GTF2IRD2: variants seen among roughly 807,000 people sequenced by gnomAD.
The protein encoded by GTF2IRD2 is general transcription factor II-I repeat domain-containing protein 2A.
A neutral mutation model predicts 49.2 loss-of-function variants in GTF2IRD2; 8 were observed. That is an observed-to-expected ratio of 0.16 (90% CI 0.10 to 0.29). GTF2IRD2 has a LOEUF of 0.29. GTF2IRD2 is among the 10% of genes least tolerant of loss of function. The pLI is 1.00. For synonymous variants in GTF2IRD2, 47 were observed against 289.7 expected (o/e 0.16, Z 8.51); for missense variants, 130 against 725.7 (o/e 0.18, Z 9.43).
chr7:74,844,854 A>T (rs1349268829), intron 1 of GTF2IRD2, among the ~76,000 whole-genome samples: 1 of 80,300 alleles, frequency 1.2e-5, no homozygotes, highest in African/African-American at 3.5e-5. Flanking sequence ...TGCCCAGCTC[A>T]TTTTCTGCAT....
chr7:74,836,136 A>G, intron 2 of GTF2IRD2, 144 bp downstream of exon 2: 1 of 842,074 alleles, frequency 1.2e-6, no homozygotes. Context: ...GTGCCACTGC[A>G]CTCCAGCCTG....
At chr7:74,826,314 C>T (rs1185479946) in intron 3 of GTF2IRD2, among the ~76,000 whole-genome samples, 1 of 151,342 alleles carries the variant, frequency 6.6e-6, no homozygotes, top group Non-Finnish European at 1.5e-5. Context: ...GGCTGGAGTG[C>T]AGTGGCGCAA....
rs1194941580 is a variant in GTF2IRD2 at position 74,844,360 on chromosome 7, TTTTATTTA to T, written c.-6+6999_-6+7006del. On this transcript the variant is annotated intron_variant, in intron 1 of 15. Coordinates refer to ENST00000451013, the MANE Select transcript of GTF2IRD2 (RefSeq NM_173537.5). ...CTAGACTAGATGAGGATTATGTTTT[TTTTATTTA>T]TTTATTTATTTATTTATTTATTTAT... Among the ~76,000 whole-genome samples the T allele has an allele frequency of 6.6e-3, 87 of 13,216 alleles. 3 individuals carry two copies. Among genetic ancestry groups the T allele is most frequent in the South Asian group, 0.016 (7 of 440 alleles). 8.7% of individuals were successfully genotyped at this position (13,216 alleles called of 152,430 possible).
At chr7:74,845,827 C>G (rs1394182898) in intron 1 of GTF2IRD2, among the ~76,000 whole-genome samples, 1 of 149,744 alleles carries the variant, frequency 6.7e-6, no homozygotes, top group African/African-American at 2.4e-5. Flanking sequence ...GAACTTGTAC[C>G]ACAGAATAAA....
rs1435299909 is a variant in GTF2IRD2, at chr7:74,840,744, C to G, written c.-5-4361G>C. Among the ~76,000 whole-genome samples, 3 of 137,610 alleles carry G rather than the reference C, an allele frequency of 2.2e-5. No individual in the cohort carries two copies. The East Asian group carries it at 6.2e-4, about 29-fold the overall frequency. 90.3% of individuals were successfully genotyped at this position (137,610 alleles called of 152,430 possible). A position where few individuals can be genotyped will look rare whatever the true frequency, so the allele number is the denominator to read the frequency against. On this transcript the variant is annotated intron_variant, in intron 1 of 15. Coordinates refer to ENST00000451013, the MANE Select transcript of GTF2IRD2 (RefSeq NM_173537.5). ...CAGGTGACGCCAGCTTAGGAAGCAC[C>G]TGATGCACTGGTCCCCACGGGACCA...
intron 1 of GTF2IRD2, among the ~76,000 whole-genome samples, chr7:74,839,973 TG>T (rs1800653433): frequency 6.9e-6 from 1 of 145,166 alleles, no homozygotes; most frequent in Non-Finnish European, 1.5e-5. Context: ...GCCCTCCAGG[TG>T]GGGCAACAGA....
At chr7:74,809,705 T>C (rs1222124603) in intron 10 of GTF2IRD2, among the ~76,000 whole-genome samples, 2 of 98,332 alleles carry the variant, frequency 2.0e-5, no homozygotes, top group African/African-American at 6.5e-5. Flanking sequence ...AAGGCAGATA[T>C]ATACAACTAA....
At position 74,851,305 on chromosome 7, in the gene GTF2IRD2, G is replaced by C. The variant is rs1206616006; in HGVS notation, c.-6+62C>G. 23 of 46,156 alleles carry C rather than the reference G, an allele frequency of 5.0e-4. 10 individuals carry two copies. The highest frequency in any genetic ancestry group is 2.6e-3 in the African/African-American group (19 of 7,348). 2.9% of individuals were successfully genotyped at this position (46,156 alleles called of 1,614,324 possible). On this transcript the variant is annotated intron_variant, in intron 1 of 15. Transcript: ENST00000451013. ...TCCCTTCCCCAGGCCCTCAGGAGGA[G>C]GACGTTCCGAAAGGCAACCCGCCCT... is the stretch of plus-strand genomic sequence containing the variant.
At chr7:74,815,864 A>G (rs1230394282) in intron 8 of GTF2IRD2, among the ~76,000 whole-genome samples, 1 of 89,396 alleles carries the variant, frequency 1.1e-5, no homozygotes, top group Non-Finnish European at 2.3e-5. Context: ...GAAAGAAAGA[A>G]AGAGAAAATA....
At chr7:74,811,119 A>G (rs1241116014) in intron 9 of GTF2IRD2, among the ~76,000 whole-genome samples, 167 bp from the exon 10 acceptor site, 5 of 96,766 alleles carry the variant, frequency 5.2e-5, no homozygotes, top group Non-Finnish European at 7.7e-5. Context: ...CTGTAATCTC[A>G]GCACTCTGGG....
intron 3 of GTF2IRD2, among the ~76,000 whole-genome samples, chr7:74,829,894 A>ACAAAAAAAAAAG (rs1488631016): frequency 6.9e-6 from 1 of 144,738 alleles, no homozygotes; most frequent in African/African-American, 2.7e-5. Context: ...TCTCAAAAAA[A>ACAAAAAAAAAAG]AAAAAAAATT....
chr7:74,842,603 T>C (rs1240741367), intron 1 of GTF2IRD2, among the ~76,000 whole-genome samples: 3 of 145,072 alleles, frequency 2.1e-5, no homozygotes, highest in Admixed American at 6.9e-5. Context: ...TGCAGTGCCA[T>C]GATCATAGTT....
Position 74,796,315 on chromosome 7 carries a change from A to T in GTF2IRD2, c.*347T>A. Reference sequence around the variant, plus strand: ...CACAGTGGTTCATGCCTGTAATCCCAGCACTTTGTGAGGTCGAGGCAGGTG... The same window carrying T: ...CACAGTGGTTCATGCCTGTAATCCCTGCACTTTGTGAGGTCGAGGCAGGTG... On this transcript the variant is annotated 3_prime_UTR_variant, in exon 16 of 16. Transcript: ENST00000451013. 1 of 344,680 alleles carries T rather than the reference A, an allele frequency of 2.9e-6. No homozygotes were observed. Among genetic ancestry groups the T allele is most frequent in the Non-Finnish European group, 5.7e-6 (1 of 176,632 alleles). 21.4% of individuals were successfully genotyped at this position (344,680 alleles called of 1,614,324 possible).
rs587755695 is a variant in GTF2IRD2, at chr7:74,840,139, G to A, written c.-5-3756C>T. On this transcript the variant is annotated intron_variant, in intron 1 of 15. Coordinates refer to ENST00000451013, the MANE Select transcript of GTF2IRD2 (RefSeq NM_173537.5). ...CCAGACTGGAGTGCATGATCTCTGCGCACTGCACCCAGTGGCATGATCTCT... is the reference window on the plus strand; with the variant it reads ...CCAGACTGGAGTGCATGATCTCTGCACACTGCACCCAGTGGCATGATCTCT... 1.3e-4 allele frequency among the ~76,000 whole-genome samples: 8 copies of A among 61,066 alleles called. No homozygotes were observed. In the South Asian group the frequency reaches 4.2e-3, roughly 32 times the overall value. The allele number at this position is 61,066 out of a possible 152,430, so 40.1% of individuals were successfully genotyped here. A position where few individuals can be genotyped will look rare whatever the true frequency, so the allele number is the denominator to read the frequency against.
intron 6 of GTF2IRD2, chr7:74,822,200 C>T: frequency 2.6e-6 from 1 of 389,858 alleles, no homozygotes; most frequent in Non-Finnish European, 4.8e-6. Flanking sequence ...GCGCCCGCCA[C>T]CACGCCCGGC....
intron 8 of GTF2IRD2, among the ~76,000 whole-genome samples, chr7:74,818,351 T>C (rs1554418250): frequency 7.2e-6 from 1 of 138,762 alleles, no homozygotes; most frequent in Non-Finnish European, 1.5e-5. Context: ...CAAATTCAGG[T>C]TCTCATTCAA....
chr7:74,796,508 G>A lies in GTF2IRD2; in HGVS notation c.*154C>T. 1 of 578,406 alleles carries A rather than the reference G, an allele frequency of 1.7e-6. No homozygotes were observed. The highest frequency in any genetic ancestry group is 3.1e-6 in the Non-Finnish European group (1 of 322,460). 35.8% of individuals were successfully genotyped at this position (578,406 alleles called of 1,614,324 possible). On this transcript the variant is annotated 3_prime_UTR_variant, in exon 16 of 16. Transcript: ENST00000451013. Reference sequence around the variant, plus strand: ...ACCCAGGAGCTGGAAGTTGCAGTAAGCCGAGATCACGCCACTGCACTCCAA... The same window carrying A: ...ACCCAGGAGCTGGAAGTTGCAGTAAACCGAGATCACGCCACTGCACTCCAA...
Position 74,796,467 on chromosome 7 carries a change from C to G in GTF2IRD2, c.*195G>C, listed in dbSNP as rs1796962165. ...GTCCCAGCTGCTCGGGAGGCTGAGG[C>G]AGGAGAATCGTTCGAACCCAGGAGC... On this transcript the variant is annotated 3_prime_UTR_variant, in exon 16 of 16. Transcript: ENST00000451013. The G allele has an allele frequency of 5.4e-6, 3 of 550,642 alleles. No homozygotes were observed. Among genetic ancestry groups the G allele is most frequent in the Admixed American group, 6.2e-5 (2 of 32,202 alleles). 34.1% of individuals were successfully genotyped at this position (550,642 alleles called of 1,614,324 possible).
At position 74,815,793 on chromosome 7, in the gene GTF2IRD2, A is replaced by AGAAG. The variant is rs1220506257; in HGVS notation, c.671-2981_671-2978dup. On this transcript the variant is annotated intron_variant, in intron 8 of 15. Coordinates refer to ENST00000451013, the MANE Select transcript of GTF2IRD2 (RefSeq NM_173537.5). ...AAGAAAGAAAGAAGGAAAGAAAGAA[A>AGAAG]GAAGGAAAGAAAGAAAGAAAGAAAG... is the stretch of plus-strand genomic sequence containing the variant. Among the ~76,000 whole-genome samples the AGAAG allele has an allele frequency of 6.7e-4, 27 of 40,038 alleles. 1 individual carries two copies. Among genetic ancestry groups the AGAAG allele is most frequent in the Admixed American group, 1.1e-3 (4 of 3,672 alleles). 26.3% of individuals were successfully genotyped at this position (40,038 alleles called of 152,430 possible).
Sources: allele counts gnomAD v4.1 joint callset (sites outside exome capture counted in the v4.1 genomes callset), GRCh38; gene constraint gnomAD v4.1.1; transcripts MANE v1.5; gene names NCBI Gene and HGNC (gene_info 2026-07-23, HGNC 2026-07-21).